RAD51B: variants seen among roughly 807,000 people sequenced by gnomAD.
The protein encoded by RAD51B is RAD51 paralog B.
RAD51B carries 38 observed loss-of-function variants against 42.2 expected under a neutral mutation model. The ratio of observed to expected loss-of-function variants is 0.90; its 90% CI spans 0.70 to 1.18. The LOEUF is 1.18. Among genes scored for constraint, RAD51B ranks in the 50% most tolerant of loss-of-function variants. The pLI is 0.00. For missense variants in RAD51B, 373 were observed against 400.7 expected, an observed-to-expected ratio of 0.93 and a Z score of 0.59; for synonymous variants, 154 against 145.2, an observed-to-expected ratio of 1.06 and a Z score of -0.43.
intron 8 of RAD51B, among the ~76,000 whole-genome samples, chr14:68,323,312 G>A (rs1310416985): frequency 6.6e-6 from 1 of 152,166 alleles, no homozygotes; most frequent in Non-Finnish European, 1.5e-5. Flanking sequence ...CTGAAGATGT[G>A]AGCATTCATT....
chr14:68,068,350 A>G (rs181504413), intron 7 of RAD51B, among the ~76,000 whole-genome samples: 1 of 152,324 alleles, frequency 6.6e-6, no homozygotes, highest in Non-Finnish European at 1.5e-5. Flanking sequence ...TTGACATTTC[A>G]TAGAACTCTA....
At chr14:68,047,676 A>C (rs1191882846) in intron 7 of RAD51B, among the ~76,000 whole-genome samples, 4 of 152,310 alleles carry the variant, frequency 2.6e-5, no homozygotes, top group South Asian at 4.1e-4. Flanking sequence ...TAAACATTTT[A>C]CAAATATTAA....
At chr14:68,383,656 A>C (rs748994296) in intron 8 of RAD51B, among the ~76,000 whole-genome samples, 6 of 151,700 alleles carry the variant, frequency 4.0e-5, no homozygotes, top group East Asian at 1.9e-4. Flanking sequence ...AAAAAAAAAA[A>C]CACAATGAAT....
chr14:68,243,395 T>G (rs1343913652), intron 7 of RAD51B, among the ~76,000 whole-genome samples: 1 of 152,208 alleles, frequency 6.6e-6, no homozygotes, highest in Admixed American at 6.5e-5. Flanking sequence ...TTCTAATAGT[T>G]TATCTTTTTG....
At chr14:68,185,236 C>T (rs938618038) in intron 7 of RAD51B, among the ~76,000 whole-genome samples, 4 of 152,068 alleles carry the variant, frequency 2.6e-5, no homozygotes, top group South Asian at 2.1e-4. Flanking sequence ...TGTAAGACTG[C>T]GCATTGAAAA....
intron 8 of RAD51B, among the ~76,000 whole-genome samples, chr14:68,327,445 C>T (rs1384447465): frequency 6.8e-6 from 1 of 146,550 alleles, no homozygotes; most frequent in Non-Finnish European, 1.5e-5. Context: ...CTTTCTCCTT[C>T]TACGCTTAGG....
At chr14:68,001,386 A>G (rs1161462705) in intron 7 of RAD51B, among the ~76,000 whole-genome samples, 3 of 151,908 alleles carry the variant, frequency 2.0e-5, no homozygotes, top group Non-Finnish European at 2.9e-5. Context: ...TTTTCTTGCT[A>G]TATTGGTGGA....
chr14:68,449,748 T>G (rs2085509385), intron 9 of RAD51B, among the ~76,000 whole-genome samples: 1 of 152,206 alleles, frequency 6.6e-6, no homozygotes, highest in African/African-American at 2.4e-5. Context: ...TTTTCCTCTG[T>G]GGTGTCTCAT....
intron 8 of RAD51B, among the ~76,000 whole-genome samples, chr14:68,358,881 T>G (rs984847702): frequency 5.3e-5 from 8 of 152,194 alleles, no homozygotes; most frequent in African/African-American, 1.7e-4. Flanking sequence ...TCATGGAGTT[T>G]GAGTATCCTT....
intron 9 of RAD51B, among the ~76,000 whole-genome samples, chr14:68,452,653 T>C (rs759625114): frequency 6.6e-6 from 1 of 151,768 alleles, no homozygotes; most frequent in African/African-American, 2.4e-5. Flanking sequence ...ATGGGGCAAG[T>C]TACTAACTTT....
intron 7 of RAD51B, among the ~76,000 whole-genome samples, chr14:68,068,197 G>A (rs1309344476): frequency 1.3e-5 from 2 of 152,084 alleles, no homozygotes; most frequent in African/African-American, 4.8e-5. Flanking sequence ...AAAGAGTTGT[G>A]CAACCATCAC....
intron 9 of RAD51B, among the ~76,000 whole-genome samples, chr14:68,439,424 C>T (rs2085230655): frequency 1.3e-5 from 2 of 152,222 alleles, no homozygotes; most frequent in Non-Finnish European, 2.9e-5. Flanking sequence ...TCTTCTAACA[C>T]ATTTGTAACT....
chr14:67,928,366 C>T (rs1180002028), intron 7 of RAD51B, among the ~76,000 whole-genome samples: 2 of 152,038 alleles, frequency 1.3e-5, no homozygotes, highest in Non-Finnish European at 2.9e-5. Flanking sequence ...GAAGCTCCCC[C>T]ATACAGAGAC....
intron 7 of RAD51B, among the ~76,000 whole-genome samples, chr14:67,957,618 A>G (rs1025863325): frequency 6.6e-6 from 1 of 152,238 alleles, no homozygotes; most frequent in African/African-American, 2.4e-5. Context: ...AGTACCATTT[A>G]TAACACTCGG....
At chr14:68,343,109 T>C (rs532517939) in intron 8 of RAD51B, among the ~76,000 whole-genome samples, 1 of 109,836 alleles carries the variant, frequency 9.1e-6, no homozygotes, top group South Asian at 3.8e-4. Context: ...AATTAAGATA[T>C]CCATCGCTCC....
chr14:68,140,140 A>G (rs2078097095), intron 7 of RAD51B, among the ~76,000 whole-genome samples: 1 of 152,206 alleles, frequency 6.6e-6, no homozygotes, highest in Non-Finnish European at 1.5e-5. Flanking sequence ...GTCATGACAG[A>G]TAATCAGATC....
intron 7 of RAD51B, among the ~76,000 whole-genome samples, chr14:67,963,824 T>C (rs1252636453): frequency 6.6e-6 from 1 of 152,132 alleles, no homozygotes; most frequent in Non-Finnish European, 1.5e-5. Context: ...ATTAGGGTTT[T>C]TCTTTTTTTT....
At chr14:68,432,444 G>A (rs1264712307) in intron 9 of RAD51B, among the ~76,000 whole-genome samples, 1 of 152,180 alleles carries the variant, frequency 6.6e-6, no homozygotes, top group Non-Finnish European at 1.5e-5. Context: ...CCTGTATTGG[G>A]TGCATATATA....
chr14:67,932,120 CT>C (rs1315071606), intron 7 of RAD51B, among the ~76,000 whole-genome samples: 1 of 152,162 alleles, frequency 6.6e-6, no homozygotes, highest in Non-Finnish European at 1.5e-5. Flanking sequence ...CAATCTTTGT[CT>C]TCCTCCCTCC....
Sources: allele counts gnomAD v4.1 joint callset (sites outside exome capture counted in the v4.1 genomes callset), GRCh38; gene constraint gnomAD v4.1.1; transcripts MANE v1.5; gene names NCBI Gene and HGNC (gene_info 2026-07-23, HGNC 2026-07-21).